The following NAA35 variants were observed in gnomAD, a reference collection of about 807,000 sequenced individuals.
The protein encoded by NAA35 is N-alpha-acetyltransferase 35, NatC auxiliary subunit, also known as MAK10 homolog, amino-acid N-acetyltransferase subunit.
A neutral mutation model predicts 101.7 loss-of-function variants in NAA35; 18 were observed. The ratio of observed to expected loss-of-function variants is 0.18; its 90% CI spans 0.12 to 0.26. NAA35 has a LOEUF of 0.26. Among genes scored for constraint, NAA35 ranks in the 10% least tolerant of loss-of-function variants. The pLI is 1.00. For synonymous variants in NAA35, 267 were observed against 273.1 expected (o/e 0.98, Z 0.22); for missense variants, 601 against 886.8 (o/e 0.68, Z 4.09).
intron 3 of NAA35, among the ~76,000 whole-genome samples, chr9:85,957,733 G>A (rs1408413862): frequency 1.3e-5 from 2 of 152,130 alleles, no homozygotes; most frequent in Non-Finnish European, 2.9e-5. Context: ...AATTTTCAAG[G>A]TTAGGAATAT....
rs557186649 is a variant in NAA35, at chr9:86,014,369, G to A, written c.1568+472G>A. Reference sequence around the variant, plus strand: ...TTGGAGTTGATAAAAGATGATCTTCGGCAGAGTAGTTCTTCCCTTTCACTT... The same window carrying A: ...TTGGAGTTGATAAAAGATGATCTTCAGCAGAGTAGTTCTTCCCTTTCACTT... On this transcript the variant is annotated intron_variant, in intron 17 of 22. Transcript: ENST00000361671. The A allele has an allele frequency of 3.1e-4, 302 of 982,548 alleles. No homozygotes were observed. The African/African-American group carries it at 4.8e-3, about 16-fold the overall frequency. The allele number at this position is 982,548 out of a possible 1,614,324, so 60.9% of individuals were successfully genotyped here. A position where few individuals can be genotyped will look rare whatever the true frequency, so the allele number is the denominator to read the frequency against.
chr9:86,012,956 C>T, intron 15 of NAA35, 90 bp from the exon 16 acceptor site: 1 of 852,332 alleles, frequency 1.2e-6, no homozygotes, highest in Non-Finnish European at 1.7e-6. Flanking sequence ...ATTTTTTTCC[C>T]TTAAACCAGA....
intron 17 of NAA35, 144 bp downstream of exon 17, chr9:86,014,041 A>G (rs112020866): frequency 1.7e-6 from 1 of 594,502 alleles, no homozygotes. Flanking sequence ...AATTAGAGCT[A>G]GATCATCTTG....
At chr9:85,983,632 A>G (rs1382004842) in intron 11 of NAA35, among the ~76,000 whole-genome samples, 1 of 152,134 alleles carries the variant, frequency 6.6e-6, no homozygotes, top group Non-Finnish European at 1.5e-5. Context: ...AAAAAGGGGA[A>G]TATGTTCTTT....
intron 15 of NAA35, among the ~76,000 whole-genome samples, chr9:86,010,608 T>A (rs1318071840): frequency 2.0e-5 from 3 of 146,514 alleles, no homozygotes; most frequent in Non-Finnish European, 4.5e-5. Context: ...GGTGTCTCGC[T>A]CTGTGGCCCA....
chr9:85,985,084 C>A (rs1010890935), intron 11 of NAA35, among the ~76,000 whole-genome samples: 1 of 152,114 alleles, frequency 6.6e-6, no homozygotes, highest in African/African-American at 2.4e-5. Context: ...CAGGGAAATG[C>A]AAATCAAAAT....
intron 11 of NAA35, among the ~76,000 whole-genome samples, chr9:85,994,068 T>C (rs1229720674): frequency 6.6e-6 from 1 of 152,148 alleles, no homozygotes. Context: ...TATTACATCC[T>C]AGGTTACTCT....
chr9:85,981,303 C>T (rs927324392), intron 11 of NAA35, among the ~76,000 whole-genome samples: 2 of 152,144 alleles, frequency 1.3e-5, no homozygotes, highest in African/African-American at 4.8e-5. Flanking sequence ...TTGAAATCTA[C>T]AGCAATAATA....
chr9:86,018,525 T>A, intron 20 of NAA35, 130 bp downstream of exon 20: 1 of 1,330,482 alleles, frequency 7.5e-7, no homozygotes, highest in Non-Finnish European at 1.0e-6. Context: ...AGGTAGCATA[T>A]GAGGGTTGAG....
rs987736995 is a variant in NAA35, at chr9:86,013,738, C to T, written c.1409C>T (p.Ala470Val). Residue 470 changes from alanine (A) to valine (V), a missense_variant, in exon 17 of 23, where the codon GCG becomes GTG. By Grantham distance (64) the Ala-to-Val change is moderately conservative. Transcript: ENST00000361671. The part of the protein sequence containing the change: ...LQDEAEKVDA[A>V]LHTMLLKQEP... ...TAATAGGCAGAGAAGGTTGATGCAG[C>T]GCTTCACACCATGCTGTTGAAACAG... is the stretch of plus-strand genomic sequence containing the variant. 2.1e-5 allele frequency: 34 copies of T among 1,613,440 alleles called. No homozygotes were observed. Among genetic ancestry groups the T allele is most frequent in the African/African-American group, 2.7e-5 (2 of 74,920 alleles).
chr9:85,980,019 C>T (rs1369701386), intron 11 of NAA35, among the ~76,000 whole-genome samples: 2 of 152,194 alleles, frequency 1.3e-5, no homozygotes, highest in Admixed American at 6.5e-5. Flanking sequence ...ATTCCCACGA[C>T]TCTCTTTTTG....
At chr9:86,004,379 A>G (rs920515439) in intron 13 of NAA35, among the ~76,000 whole-genome samples, 1 of 151,976 alleles carries the variant, frequency 6.6e-6, no homozygotes, top group Non-Finnish European at 1.5e-5. Context: ...TGCTAGGATT[A>G]CAGGTTGGAG....
intron 1 of NAA35, 55 bp from the exon 2 acceptor site, chr9:85,942,100 A>C (rs1218869005): frequency 2.1e-5 from 33 of 1,579,188 alleles, no homozygotes; most frequent in Admixed American, 7.7e-5. Context: ...ATTTCTGCAA[A>C]TACTCTTGCC....
In NAA35 at chr9:85,941,274, G is replaced by A. The variant is rs1564280558; in HGVS notation, c.-6+1G>A. 2 of 985,616 alleles carry A rather than the reference G, an allele frequency of 2.0e-6. No homozygotes were observed. The highest frequency in any genetic ancestry group is 2.4e-6 in the Non-Finnish European group (2 of 830,164). The allele number at this position is 985,616 out of a possible 1,614,324, so 61.1% of individuals were successfully genotyped here. A position where few individuals can be genotyped will look rare whatever the true frequency, so the allele number is the denominator to read the frequency against. On this transcript the variant is annotated splice_donor_variant, in intron 1 of 22. Coordinates refer to ENST00000361671, the MANE Select transcript of NAA35 (RefSeq NM_024635.4). LOFTEE classifies it low-confidence loss of function (5UTR_SPLICE). ...GCGCGGGTGACCACGGGAGAAGTAG[G>A]TAGGGACCGCCCCTGCGTAGCCATT...
At chr9:85,977,540 T>C in intron 10 of NAA35, 94 bp downstream of exon 10, 1 of 805,396 alleles carries the variant, frequency 1.2e-6, no homozygotes. Context: ...CTTGAAGTGC[T>C]CCTGATCCCA....
intron 1 of NAA35, 179 bp downstream of exon 1, chr9:85,941,452 C>T (rs1828509321): frequency 1.0e-6 from 1 of 985,560 alleles, no homozygotes; most frequent in Non-Finnish European, 1.2e-6. Context: ...CGAGGCCCCA[C>T]TCTTGCCCGG....
In NAA35 at chr9:85,943,369, G is replaced by A. The variant is rs139488905; in HGVS notation, c.124+1086G>A. ...TATTTCTAAGTGACAGAGGAGGACT[G>A]GTGAAGGAATTCACTCCTGATGGCT... On this transcript the variant is annotated intron_variant, in intron 2 of 22. Coordinates refer to ENST00000361671, the MANE Select transcript of NAA35 (RefSeq NM_024635.4). Among the ~76,000 whole-genome samples, 6 of 152,230 alleles carry A rather than the reference G, an allele frequency of 3.9e-5. No homozygotes were observed. In the East Asian group the frequency reaches 9.7e-4, roughly 25 times the overall value.
intron 11 of NAA35, among the ~76,000 whole-genome samples, chr9:85,987,880 A>G (rs1156319516): frequency 6.6e-6 from 1 of 152,246 alleles, no homozygotes; most frequent in Non-Finnish European, 1.5e-5. Flanking sequence ...GGAAAAAACT[A>G]GGGATTCTCT....
At chr9:85,946,672 T>G (rs1828776691) in intron 2 of NAA35, among the ~76,000 whole-genome samples, 1 of 143,038 alleles carries the variant, frequency 7.0e-6, no homozygotes, top group African/African-American at 2.9e-5. Flanking sequence ...TTATGAGATT[T>G]TTTTTTTTGC....
Sources: allele counts gnomAD v4.1 joint callset (sites outside exome capture counted in the v4.1 genomes callset), GRCh38; gene constraint gnomAD v4.1.1; transcripts MANE v1.5; gene names NCBI Gene and HGNC (gene_info 2026-07-23, HGNC 2026-07-21).